CLVS2: variants seen among roughly 807,000 people sequenced by gnomAD.
CLVS2 encodes the protein clavesin 2, also known as clavesin-2.
In CLVS2, 19 loss-of-function variants were observed where a neutral mutation model predicts 29.0. The ratio of observed to expected loss-of-function variants is 0.66; its 90% CI spans 0.46 to 0.96. The LOEUF is 0.96. CLVS2 is among the 40% of genes least tolerant of loss of function. CLVS2 has a pLI of 0.00. For synonymous variants in CLVS2, 161 were observed against 151.3 expected, an observed-to-expected ratio of 1.06 and a Z score of -0.47; for missense variants, 294 against 404.1, an observed-to-expected ratio of 0.73 and a Z score of 2.34.
intron 3 of CLVS2, 84 bp downstream of exon 3, chr6:123,011,243 C>G: frequency 9.2e-7 from 1 of 1,081,562 alleles, no homozygotes; most frequent in Non-Finnish European, 1.3e-6. Flanking sequence ...AAATGTCTTA[C>G]TTACAGAATA....
At chr6:123,013,431 C>A (rs1774780905) in intron 3 of CLVS2, among the ~76,000 whole-genome samples, 1 of 151,860 alleles carries the variant, frequency 6.6e-6, no homozygotes, top group East Asian at 1.9e-4. Flanking sequence ...TGCCATAATT[C>A]TGCTATCATG....
At chr6:123,029,441 G>A (rs1170787105) in intron 3 of CLVS2, among the ~76,000 whole-genome samples, 2 of 152,146 alleles carry the variant, frequency 1.3e-5, no homozygotes, top group Non-Finnish European at 2.9e-5. Context: ...GAAAGAAAAT[G>A]CATCGTTGGA....
At chr6:123,002,465 A>G (rs1297771170) in intron 2 of CLVS2, among the ~76,000 whole-genome samples, 5 of 152,148 alleles carry the variant, frequency 3.3e-5, no homozygotes, top group East Asian at 3.8e-4. Flanking sequence ...AATATGGCCA[A>G]TGTTCAGAAT....
intron 3 of CLVS2, among the ~76,000 whole-genome samples, chr6:123,024,903 C>T (rs1417330977): frequency 6.6e-6 from 1 of 151,912 alleles, no homozygotes; most frequent in Non-Finnish European, 1.5e-5. Flanking sequence ...AATGGGAAGA[C>T]AATAAAGGTA....
intron 4 of CLVS2, among the ~76,000 whole-genome samples, chr6:123,054,013 G>A (rs1233818840): frequency 6.6e-6 from 1 of 152,144 alleles, no homozygotes; most frequent in Non-Finnish European, 1.5e-5. Flanking sequence ...GAAAGTGGAA[G>A]CAAGGCCAAA....
chr6:123,010,864 A>G, intron 2 of CLVS2, 121 bp from the exon 3 acceptor site: 1 of 596,690 alleles, frequency 1.7e-6, no homozygotes, highest in Non-Finnish European at 2.7e-6. Context: ...TTTAAACAAA[A>G]TTATTTCCTT....
At chr6:123,035,099 T>C (rs1248539790) in intron 3 of CLVS2, among the ~76,000 whole-genome samples, 3 of 152,138 alleles carry the variant, frequency 2.0e-5, no homozygotes, top group Non-Finnish European at 4.4e-5. Flanking sequence ...CATTTTTGTT[T>C]TGCATCATTA....
chr6:122,999,371 C>T (rs1774557265), intron 2 of CLVS2, among the ~76,000 whole-genome samples: 1 of 151,854 alleles, frequency 6.6e-6, no homozygotes, highest in Non-Finnish European at 1.5e-5. Flanking sequence ...CCCTGTAATT[C>T]TAGGTTGACA....
At chr6:123,049,486 G>A (rs932980216) in intron 4 of CLVS2, among the ~76,000 whole-genome samples, 2 of 152,084 alleles carry the variant, frequency 1.3e-5, no homozygotes, top group African/African-American at 4.8e-5. Flanking sequence ...TAGAGCTGAA[G>A]AAACTAAGTC....
chr6:123,004,092 C>A (rs1276139521), intron 2 of CLVS2, among the ~76,000 whole-genome samples: 1 of 151,956 alleles, frequency 6.6e-6, no homozygotes, highest in East Asian at 1.9e-4. Flanking sequence ...ACAAAACAGG[C>A]AATTAGGAAC....
At chr6:123,055,375 C>T (rs1772678075) in intron 4 of CLVS2, among the ~76,000 whole-genome samples, 1 of 152,186 alleles carries the variant, frequency 6.6e-6, no homozygotes, top group Non-Finnish European at 1.5e-5. Context: ...GGTGTAATAA[C>T]TTGCATAGGC....
chr6:123,030,849 T>TAC (rs1482282386), intron 3 of CLVS2, among the ~76,000 whole-genome samples: 10 of 147,822 alleles, frequency 6.8e-5, no homozygotes, highest in South Asian at 4.2e-4. Flanking sequence ...TATATATATA[T>TAC]ACACACACAT....
chr6:123,058,712 G>A (rs748924045), intron 5 of CLVS2, among the ~76,000 whole-genome samples: 1 of 152,040 alleles, frequency 6.6e-6, no homozygotes, highest in African/African-American at 2.4e-5. Flanking sequence ...GCGCAGTGGC[G>A]TGATCATGGC....
chr6:123,047,703 C>T (rs9490637), intron 3 of CLVS2, among the ~76,000 whole-genome samples: 15,207 of 151,212 alleles, frequency 0.1, 2,606 homozygotes, highest in African/African-American at 0.35. Context: ...AGAAGAATGC[C>T]GAGTATTATG....
intron 3 of CLVS2, among the ~76,000 whole-genome samples, chr6:123,027,039 C>T (rs768965702): frequency 2.0e-5 from 3 of 151,846 alleles, no homozygotes; most frequent in Admixed American, 1.3e-4. Flanking sequence ...GGTACAGAGG[C>T]GAAAATGCAT....
At chr6:123,005,172 T>C (rs1774649665) in intron 2 of CLVS2, among the ~76,000 whole-genome samples, 1 of 152,164 alleles carries the variant, frequency 6.6e-6, no homozygotes, top group Non-Finnish European at 1.5e-5. Context: ...TCAGAGATTT[T>C]GCAATTGTTT....
Position 123,042,780 on chromosome 6 carries a change from C to T in CLVS2, c.565-5842C>T, listed in dbSNP as rs73769349. ...TCTGTCCACTAGTGATAATGAGCAG[C>T]GATTTGGAACTGGGAAAAGCATGAC... On this transcript the variant is annotated intron_variant, in intron 3 of 5. Transcript: ENST00000275162. Among the ~76,000 whole-genome samples, 616 of 152,154 alleles carry T rather than the reference C, an allele frequency of 4.0e-3. 3 individuals carry two copies. The highest frequency in any genetic ancestry group is 0.014 in the African/African-American group (577 of 41,492).
intron 3 of CLVS2, among the ~76,000 whole-genome samples, chr6:123,042,929 C>T (rs1475794716): frequency 1.3e-5 from 2 of 152,092 alleles, no homozygotes; most frequent in Non-Finnish European, 2.9e-5. Flanking sequence ...AAAGACACCC[C>T]CAAAAGTCAT....
At chr6:123,020,576 T>C (rs1774905264) in intron 3 of CLVS2, among the ~76,000 whole-genome samples, 1 of 152,066 alleles carries the variant, frequency 6.6e-6, no homozygotes, top group African/African-American at 2.4e-5. Flanking sequence ...TCTTGTTGTA[T>C]GTGTGGACTT....
Sources: allele counts gnomAD v4.1 joint callset (sites outside exome capture counted in the v4.1 genomes callset), GRCh38; gene constraint gnomAD v4.1.1; transcripts MANE v1.5; gene names NCBI Gene and HGNC (gene_info 2026-07-23, HGNC 2026-07-21).